Variants in MAGI1 observed in about 807,000 individuals in gnomAD.
The protein encoded by MAGI1 is membrane associated guanylate kinase, WW and PDZ domain containing 1.
Under a neutral mutation model 139.9 loss-of-function variants are expected in MAGI1, and 58 were observed. That is an observed-to-expected ratio of 0.41 (90% confidence interval 0.34 to 0.52). The LOEUF (loss-of-function observed/expected upper bound fraction) is 0.52. Among genes scored for constraint, MAGI1 ranks in the 20% least tolerant of loss-of-function variants. MAGI1 has a pLI of 0.12. For synonymous variants in MAGI1, 812 were observed against 737.9 expected, an observed-to-expected ratio of 1.10 and a Z score of -1.63; for missense variants, 1,874 against 1,901.6, an observed-to-expected ratio of 0.99 and a Z score of 0.27.
chr3:65,353,954 G>A lies in MAGI1; in HGVS notation c.*2424C>T, dbSNP rs970852838. 10 of 152,198 alleles carry A rather than the reference G, an allele frequency of 6.6e-5. No homozygotes were observed. The highest frequency in any genetic ancestry group is 2.4e-4 in the African/African-American group (10 of 41,444). The allele number at this position is 152,198 out of a possible 1,614,324, so 9.4% of individuals were successfully genotyped here. On this transcript the variant is annotated 3_prime_UTR_variant, in exon 23 of 23. Transcript: ENST00000402939. Reference sequence around the variant, plus strand: ...CACGGATTGAGACAAGCCCAGGTGGGTAGCACATAGATTTTAAATTGCCAA... The same window carrying A: ...CACGGATTGAGACAAGCCCAGGTGGATAGCACATAGATTTTAAATTGCCAA...
chr3:65,817,391 G>A (rs1418512293), intron 1 of MAGI1, among the ~76,000 whole-genome samples: 1 of 152,114 alleles, frequency 6.6e-6, no homozygotes, highest in Non-Finnish European at 1.5e-5. Flanking sequence ...ATTATATTCT[G>A]AATGGAGCTT....
Position 65,382,073 on chromosome 3 carries a change from T to C in MAGI1, c.2509-4A>G, listed in dbSNP as rs1298491769. On this transcript the variant is annotated splice_polypyrimidine_tract_variant and splice_region_variant and intron_variant, in intron 15 of 22. Coordinates refer to ENST00000402939, the MANE Select transcript of MAGI1 (RefSeq NM_001033057.2). The stretch of plus-strand genomic sequence containing the variant: ...GTACGATGTGACCAATATAAATCTG[T>C]TGAGTAATTGAACGATGGATGAAAC... 1.3e-6 allele frequency: 2 copies of C among 1,595,884 alleles called. No homozygotes were observed. The highest frequency in any genetic ancestry group is 1.7e-5 in the Admixed American group (1 of 57,590).
Position 65,366,647 on chromosome 3 carries a change from C to T in MAGI1, c.3197-1701G>A, listed in dbSNP as rs903290656. ...CCTGGATGGGACTTAAGCAAAGTTA[C>T]TTAAATTCTCAGTGCCTCAGTTTTC... On this transcript the variant is annotated intron_variant, in intron 18 of 22. Coordinates refer to ENST00000402939, the MANE Select transcript of MAGI1 (RefSeq NM_001033057.2). Among the ~76,000 whole-genome samples, 21 of 152,102 alleles carry T rather than the reference C, an allele frequency of 1.4e-4. 1 individual carries two copies. The highest frequency in any genetic ancestry group is 1.2e-3 in the Admixed American group (19 of 15,262).
At chr3:65,607,809 C>T (rs1361986649) in intron 2 of MAGI1, among the ~76,000 whole-genome samples, 1 of 152,218 alleles carries the variant, frequency 6.6e-6, no homozygotes, top group East Asian at 1.9e-4. Context: ...TCAGGTGTTT[C>T]GGCTTACTGC....
chr3:65,619,859 T>C, intron 2 of MAGI1: 13 of 985,162 alleles, frequency 1.3e-5, no homozygotes, highest in Non-Finnish European at 1.3e-5. Flanking sequence ...ACCTGTTTTC[T>C]CTTTTAGTAG....
At chr3:65,714,316 G>A (rs537815284) in intron 1 of MAGI1, among the ~76,000 whole-genome samples, 146 of 152,100 alleles carry the variant, frequency 9.6e-4, no homozygotes, top group Admixed American at 2.0e-3. Flanking sequence ...CCACTGCTTG[G>A]GGTTATGTTC....
chr3:65,590,105 C>T (rs78724743), intron 2 of MAGI1, among the ~76,000 whole-genome samples: 121 of 152,252 alleles, frequency 7.9e-4, no homozygotes, highest in African/African-American at 2.8e-3. Context: ...GCCTTTAAAA[C>T]GCATCACCAG....
At chr3:65,957,906 T>C (rs2064214527) in intron 1 of MAGI1, among the ~76,000 whole-genome samples, 1 of 152,048 alleles carries the variant, frequency 6.6e-6, no homozygotes, top group South Asian at 2.1e-4. Flanking sequence ...GTAGCTGAGA[T>C]TACATGCATG....
At chr3:65,876,822 C>A (rs2060135443) in intron 1 of MAGI1, among the ~76,000 whole-genome samples, 1 of 150,656 alleles carries the variant, frequency 6.6e-6, no homozygotes, top group South Asian at 2.1e-4. Flanking sequence ...CAGCTCACTG[C>A]AAGCTCCGCT....
chr3:65,948,471 G>T (rs991166803), intron 1 of MAGI1, among the ~76,000 whole-genome samples: 1 of 152,084 alleles, frequency 6.6e-6, no homozygotes, highest in East Asian at 1.9e-4. Flanking sequence ...AAACCCAAAT[G>T]GTTCAAGTAG....
At chr3:65,745,566 C>T (rs1012249918) in intron 1 of MAGI1, among the ~76,000 whole-genome samples, 1 of 152,216 alleles carries the variant, frequency 6.6e-6, no homozygotes, top group Non-Finnish European at 1.5e-5. Context: ...GGAAACCAGG[C>T]AGAACCAAAT....
chr3:65,861,949 G>A (rs954931532), intron 1 of MAGI1, among the ~76,000 whole-genome samples: 13 of 152,230 alleles, frequency 8.5e-5, no homozygotes, highest in African/African-American at 2.4e-4. Context: ...TGGAACAACC[G>A]GTAAGACCTC....
intron 18 of MAGI1, among the ~76,000 whole-genome samples, chr3:65,371,079 C>T (rs989165138): frequency 6.6e-6 from 1 of 152,232 alleles, no homozygotes; most frequent in African/African-American, 2.4e-5. Flanking sequence ...GGAGTACTTT[C>T]TTTCCTTCTT....
chr3:65,952,313 A>C (rs544631539), intron 1 of MAGI1, among the ~76,000 whole-genome samples: 15 of 152,202 alleles, frequency 9.9e-5, no homozygotes, highest in Non-Finnish European at 2.2e-4. Flanking sequence ...TTCATGACTC[A>C]TAATTCCTGT....
rs1247064963 is a variant in MAGI1, at chr3:65,656,729, C to T, written c.314-34641G>A. On this transcript the variant is annotated intron_variant, in intron 1 of 22. Transcript: ENST00000402939. ...AAAAGAGACACAGGGCCAGACCTAG[C>T]GGCTCATGCCTGTAATCCCAGCACT... is the stretch of plus-strand genomic sequence containing the variant. 5.9e-5 allele frequency among the ~76,000 whole-genome samples: 9 copies of T among 151,906 alleles called. No homozygotes were observed. The South Asian group carries it at 6.2e-4, about 11-fold the overall frequency.
chr3:65,654,906 A>C (rs2107337771), intron 1 of MAGI1, among the ~76,000 whole-genome samples: 1 of 152,350 alleles, frequency 6.6e-6, no homozygotes, highest in Middle Eastern at 3.4e-3. Context: ...AAAATGTAAA[A>C]GTTTAAGCAT....
At chr3:65,601,018 T>C (rs1170126102) in intron 2 of MAGI1, among the ~76,000 whole-genome samples, 1 of 152,178 alleles carries the variant, frequency 6.6e-6, no homozygotes, top group Non-Finnish European at 1.5e-5. Flanking sequence ...GGAACTGTGA[T>C]GAAGACTAAC....
intron 1 of MAGI1, among the ~76,000 whole-genome samples, chr3:65,648,259 C>T (rs945799347): frequency 3.9e-5 from 6 of 151,902 alleles, no homozygotes; most frequent in African/African-American, 1.5e-4. Context: ...ATCCTCCCAC[C>T]TCAGCTTCCA....
intron 1 of MAGI1, among the ~76,000 whole-genome samples, chr3:65,922,140 G>A (rs2062235962): frequency 6.6e-6 from 1 of 152,014 alleles, no homozygotes; most frequent in Non-Finnish European, 1.5e-5. Context: ...CCCTTTTACA[G>A]AAACAGAGAC....
Sources: gnomAD v4.1 joint callset for allele counts (sites outside exome capture counted in the v4.1 genomes callset) on GRCh38, gnomAD v4.1.1 for gene constraint, MANE v1.5 for transcripts, NCBI Gene and HGNC (gene_info 2026-07-23, HGNC 2026-07-21) for gene names.